The following XXYLT1 variants were observed in gnomAD, a reference collection of about 807,000 sequenced individuals.
The protein encoded by XXYLT1 is xyloside xylosyltransferase 1, also known as UDP-xylose:alpha-xyloside alpha-1,3-xylosyltransferase.
XXYLT1 carries 20 observed loss-of-function variants against 28.9 expected under a neutral mutation model. That is an observed-to-expected ratio of 0.69 (90% CI 0.49 to 1.00). The LOEUF (loss-of-function observed/expected upper bound fraction) is 1.00. XXYLT1 is among the 50% of genes least tolerant of loss of function. XXYLT1 has a pLI of 0.00. For missense variants in XXYLT1, 542 were observed against 560.1 expected, an observed-to-expected ratio of 0.97 and a Z score of 0.33; for synonymous variants, 257 against 253.8, an observed-to-expected ratio of 1.01 and a Z score of -0.12.
chr3:195,147,268 C>A (rs898025809), intron 3 of XXYLT1, among the ~76,000 whole-genome samples: 2 of 152,020 alleles, frequency 1.3e-5, no homozygotes, highest in Admixed American at 6.6e-5. Context: ...CACAATGAGC[C>A]AAATAAAAAA....
chr3:195,249,380 A>C (rs748875528), intron 1 of XXYLT1, among the ~76,000 whole-genome samples: 36 of 152,226 alleles, frequency 2.4e-4, no homozygotes, highest in Non-Finnish European at 4.4e-4. Flanking sequence ...CATACGGCTC[A>C]CATCAGCACA....
intron 3 of XXYLT1, among the ~76,000 whole-genome samples, chr3:195,090,852 C>G (rs1285260580): frequency 6.6e-6 from 1 of 151,192 alleles, no homozygotes; most frequent in Non-Finnish European, 1.5e-5. Context: ...GATATCACCA[C>G]CGATCTCACA....
At position 195,069,497 on chromosome 3, in the gene XXYLT1, C is replaced by G; in HGVS notation, c.*218G>C. Reference sequence around the variant, plus strand: ...GCGTGTCCTTTGTGTCGCCTGCTCCCTGGAGGAATAAGGTCCCAAGCACCA... The same window carrying G: ...GCGTGTCCTTTGTGTCGCCTGCTCCGTGGAGGAATAAGGTCCCAAGCACCA... On this transcript the variant is annotated 3_prime_UTR_variant, in exon 4 of 4. Transcript: ENST00000310380. The G allele has an allele frequency of 1.6e-6, 1 of 608,464 alleles. No individual in the cohort carries two copies. The highest frequency in any genetic ancestry group is 2.9e-5 in the East Asian group (1 of 35,008). 37.7% of individuals were successfully genotyped at this position (608,464 alleles called of 1,614,324 possible).
rs561105542 is a variant in XXYLT1 at position 195,163,372 on chromosome 3, T to A, written c.653-6791A>T. Among the ~76,000 whole-genome samples the A allele has an allele frequency of 3.3e-5, 5 of 152,278 alleles. No individual in the cohort carries two copies. The South Asian group carries it at 8.3e-4, about 25-fold the overall frequency. On this transcript the variant is annotated intron_variant, in intron 2 of 3. Transcript: ENST00000310380. ...GGATTCAGTCTAAAATTAGGTAAAC[T>A]AACAAAGGTTCCATCCTGCTGCCTG...
intron 3 of XXYLT1, among the ~76,000 whole-genome samples, chr3:195,123,113 T>C (rs1718448058): frequency 6.6e-6 from 1 of 152,090 alleles, no homozygotes; most frequent in Non-Finnish European, 1.5e-5. Flanking sequence ...GACAACCAGA[T>C]CTAATCAGCT....
chr3:195,111,391 G>T (rs61231387), intron 3 of XXYLT1, among the ~76,000 whole-genome samples: 21,958 of 152,134 alleles, frequency 0.14, 2,199 homozygotes, highest in East Asian at 0.47. Context: ...GAATTTCTGA[G>T]GAACACATTC....
At chr3:195,221,523 T>A (rs984798363) in intron 2 of XXYLT1, among the ~76,000 whole-genome samples, 7 of 151,664 alleles carry the variant, frequency 4.6e-5, no homozygotes, top group Non-Finnish European at 7.4e-5. Flanking sequence ...GACAGGAGAG[T>A]CTCCTGGGGG....
chr3:195,155,534 C>CTT (rs59329078), intron 3 of XXYLT1, among the ~76,000 whole-genome samples: 20,196 of 145,596 alleles, frequency 0.14, 1,733 homozygotes, highest in East Asian at 0.27. Context: ...TGTTCCTTTC[C>CTT]TTTTTTTTTT....
At chr3:195,167,158 C>T (rs1721167978) in intron 2 of XXYLT1, among the ~76,000 whole-genome samples, 1 of 152,258 alleles carries the variant, frequency 6.6e-6, no homozygotes, top group Non-Finnish European at 1.5e-5. Context: ...ACTTTGATCA[C>T]AGTCAAGCTA....
chr3:195,187,830 A>G (rs181594409), intron 2 of XXYLT1, among the ~76,000 whole-genome samples: 17 of 152,360 alleles, frequency 1.1e-4, no homozygotes, highest in Admixed American at 1.0e-3. Flanking sequence ...TTTGTAAATT[A>G]GATGATTTCC....
At chr3:195,099,862 A>G (rs1180423539) in intron 3 of XXYLT1, among the ~76,000 whole-genome samples, 3 of 150,210 alleles carry the variant, frequency 2.0e-5, no homozygotes, top group Non-Finnish European at 4.4e-5. Context: ...TGCAGTAACT[A>G]TATTTGAATC....
Position 195,068,791 on chromosome 3 carries a change from C to T in XXYLT1, c.*924G>A, listed in dbSNP as rs1176854424. ...GCGATGGGGGCCTCCCTGTGTTTCC[C>T]AGGCTGATCTCGACCTCCGAGGCTC... On this transcript the variant is annotated 3_prime_UTR_variant, in exon 4 of 4. Transcript: ENST00000310380. 1.3e-5 allele frequency: 2 copies of T among 152,108 alleles called. No individual in the cohort carries two copies. Among genetic ancestry groups the T allele is most frequent in the Non-Finnish European group, 2.9e-5 (2 of 68,018 alleles). 9.4% of individuals were successfully genotyped at this position (152,108 alleles called of 1,614,324 possible).
chr3:195,255,981 G>T lies in XXYLT1; in HGVS notation c.504+14574C>A, dbSNP rs1219431080. 6.6e-6 allele frequency among the ~76,000 whole-genome samples: 1 copy of T among 152,136 alleles called. No individual in the cohort carries two copies. Among genetic ancestry groups the T allele is most frequent in the Non-Finnish European group, 1.5e-5 (1 of 68,000 alleles). Reference sequence around the variant, plus strand: ...AGGGAGGGAAGGTCCACCCCGGGCAGCCCTGGGATTCCCCTGTTCTGTGCC... The same window carrying T: ...AGGGAGGGAAGGTCCACCCCGGGCATCCCTGGGATTCCCCTGTTCTGTGCC... On this transcript the variant is annotated intron_variant, in intron 1 of 3. Transcript: ENST00000310380. This position sits in a 1 kb window ranked among gnomAD's most constrained non-coding sequence, Gnocchi z 4.5.
chr3:195,146,567 A>G (rs62290354), intron 3 of XXYLT1, among the ~76,000 whole-genome samples: 19,515 of 152,268 alleles, frequency 0.13, 1,801 homozygotes, highest in East Asian at 0.41. Flanking sequence ...ATTCGGGCAC[A>G]GAGTTTGGTC....
intron 3 of XXYLT1, among the ~76,000 whole-genome samples, chr3:195,134,868 T>TGTGTGTGTGTGTGTGTGC (rs996449867): frequency 1.0e-5 from 1 of 100,124 alleles, no homozygotes; most frequent in Non-Finnish European, 2.1e-5. Flanking sequence ...TGTGTGTGTG[T>TGTGTGTGTGTGTGTGTGC]GCGTGTGCGC....
chr3:195,085,476 G>A (rs1021896005), intron 3 of XXYLT1, among the ~76,000 whole-genome samples: 5 of 152,226 alleles, frequency 3.3e-5, no homozygotes, highest in Admixed American at 3.3e-4. Flanking sequence ...AAGCATGCCA[G>A]CGCATTTCAC....
At chr3:195,230,376 C>A (rs761089597) in intron 1 of XXYLT1, among the ~76,000 whole-genome samples, 3 of 152,184 alleles carry the variant, frequency 2.0e-5, no homozygotes, top group African/African-American at 4.8e-5. Flanking sequence ...TGTGCAGAAG[C>A]TTTTCAACTG....
intron 2 of XXYLT1, among the ~76,000 whole-genome samples, chr3:195,197,772 T>C (rs1400284060): frequency 1.3e-5 from 2 of 152,248 alleles, no homozygotes; most frequent in Non-Finnish European, 2.9e-5. Flanking sequence ...GTCCTCATCC[T>C]ACTGACCTGC....
chr3:195,195,909 C>T lies in XXYLT1; in HGVS notation c.652+30800G>A, dbSNP rs560744237. On this transcript the variant is annotated intron_variant, in intron 2 of 3. Coordinates refer to ENST00000310380, the MANE Select transcript of XXYLT1 (RefSeq NM_152531.5). The surrounding 1 kb of genome is among the most constrained non-coding windows in gnomAD (Gnocchi z 4.4). The stretch of plus-strand genomic sequence containing the variant: ...CTGGTCAGGACCTCCAAGTCACAGT[C>T]CCTCTTTCTCCTCACTGCCTCAGTC... Among the ~76,000 whole-genome samples, 1 of 152,310 alleles carries T rather than the reference C, an allele frequency of 6.6e-6. No individual in the cohort carries two copies. Among genetic ancestry groups the T allele is most frequent in the South Asian group, 2.1e-4 (1 of 4,830 alleles).
Sources: allele counts gnomAD v4.1 joint callset (sites outside exome capture counted in the v4.1 genomes callset), GRCh38; gene constraint gnomAD v4.1.1; non-coding constraint Gnocchi (gnomAD v3.1); transcripts MANE v1.5; gene names NCBI Gene and HGNC (gene_info 2026-07-23, HGNC 2026-07-21).